Variants in SLC33A2 observed in about 807,000 individuals in gnomAD.
The protein encoded by SLC33A2 is solute carrier family 33 member 2.
At chr8:144,510,369 G>C in the SLC33A2 span, 1 of 1,612,264 alleles carries the variant, frequency 6.2e-7, no homozygotes, top group South Asian at 1.1e-5. Flanking sequence ...GGTGAGCAGG[G>C]TGCCAGCAGC....
At chr8:144,510,712 A>C in the SLC33A2 span, 160 of 1,580,704 alleles carry the variant, frequency 1.0e-4, no homozygotes, top group African/African-American at 2.0e-3. Flanking sequence ...ACGCTGGCAC[A>C]ATCTTGAGAG....
the SLC33A2 span, chr8:144,510,092 AC>A: frequency 6.7e-7 from 1 of 1,489,818 alleles, no homozygotes; most frequent in Non-Finnish European, 9.0e-7. Flanking sequence ...GGGGCTTGCA[AC>A]CCATTACAGG....
At chr8:144,510,425 T>G in the SLC33A2 span, 3 of 1,612,824 alleles carry the variant, frequency 1.9e-6, no homozygotes, top group Non-Finnish European at 2.5e-6. Flanking sequence ...TGCTCCCGAG[T>G]TGGGACTGTG....
chr8:144,510,583 C>A, the SLC33A2 span: 1 of 1,590,550 alleles, frequency 6.3e-7, no homozygotes, highest in Admixed American at 1.7e-5. Flanking sequence ...GACCCATTTC[C>A]CACCCCCATC....
the SLC33A2 span, chr8:144,510,777 G>A: frequency 6.2e-7 from 1 of 1,610,952 alleles, no homozygotes; most frequent in South Asian, 1.1e-5. Flanking sequence ...GGGCACTGCT[G>A]ACTTCTGCCC....
the SLC33A2 span, chr8:144,510,531 GCCCA>G: frequency 6.2e-7 from 1 of 1,611,920 alleles, no homozygotes; most frequent in Non-Finnish European, 8.5e-7. Flanking sequence ...AGTGTACCCT[GCCCA>G]CCCACTTGTA....
the SLC33A2 span, chr8:144,511,080 G>A: frequency 2.5e-6 from 4 of 1,608,728 alleles, no homozygotes; most frequent in Non-Finnish European, 3.4e-6. Flanking sequence ...ATGGGTTGGG[G>A]CCACATCCCT....
chr8:144,510,840 G>T, the SLC33A2 span: 1 of 1,610,770 alleles, frequency 6.2e-7, no homozygotes. Context: ...TGGGAGGCCT[G>T]GTCACCACAG....
the SLC33A2 span, chr8:144,509,978 C>T: frequency 6.3e-7 from 1 of 1,596,204 alleles, no homozygotes; most frequent in Non-Finnish European, 8.5e-7. Flanking sequence ...TGCCGGGGAC[C>T]GTGTGGACGG....
chr8:144,510,106 C>T, the SLC33A2 span: 2 of 1,432,600 alleles, frequency 1.4e-6, no homozygotes. Context: ...ATTACAGGGC[C>T]ACGCTCTTTC....
chr8:144,510,430 A>G, the SLC33A2 span: 1 of 1,612,608 alleles, frequency 6.2e-7, no homozygotes, highest in Admixed American at 1.7e-5. Flanking sequence ...CCGAGTTGGG[A>G]CTGTGGAATG....
the SLC33A2 span, chr8:144,510,699 T>C: frequency 2.7e-3 from 4,259 of 1,572,266 alleles, 8 homozygotes; most frequent in African/African-American, 6.9e-3. Context: ...GGGGCCAGCA[T>C]GGACGCTGGC....
chr8:144,509,220 C>T, the SLC33A2 span: 1 of 1,140,886 alleles, frequency 8.8e-7, no homozygotes, highest in Non-Finnish European at 1.2e-6. Flanking sequence ...CTGCCCGGTC[C>T]CAGAACCAAA....
At chr8:144,510,120 G>A in the SLC33A2 span, 1 of 1,386,754 alleles carries the variant, frequency 7.2e-7, no homozygotes, top group Non-Finnish European at 9.7e-7. Flanking sequence ...CTCTTTCTGG[G>A]GTATGACCTG....
At chr8:144,510,923 A>G in the SLC33A2 span, 1 of 1,601,854 alleles carries the variant, frequency 6.2e-7, no homozygotes, top group Non-Finnish European at 8.5e-7. Context: ...TGTAGCAGGG[A>G]CACAAGAGAG....
At chr8:144,511,117 G>A in the SLC33A2 span, 1 of 1,610,528 alleles carries the variant, frequency 6.2e-7, no homozygotes, top group Non-Finnish European at 8.5e-7. Context: ...CATCCTCTCT[G>A]CCTTTCCCGT....
At chr8:144,511,074 G>T in the SLC33A2 span, 1 of 1,608,390 alleles carries the variant, frequency 6.2e-7, no homozygotes, top group African/African-American at 1.3e-5. Context: ...TGGCTGATGG[G>T]TTGGGGCCAC....
At chr8:144,510,906 G>T in the SLC33A2 span, 7 of 1,604,196 alleles carry the variant, frequency 4.4e-6, 1 homozygote, top group Middle Eastern at 6.6e-4. Context: ...CCCTGCAGGT[G>T]AGTAGATGTA....
At chr8:144,509,338 G>A in the SLC33A2 span, 13 of 1,463,756 alleles carry the variant, frequency 8.9e-6, no homozygotes, top group Non-Finnish European at 1.1e-5. Flanking sequence ...GCCGCCATGC[G>A]CGGGAAGTTG....
Sources: gnomAD v4.1 joint callset for allele counts on GRCh38, gnomAD v4.1.1 for gene constraint, MANE v1.5 for transcripts, NCBI Gene and HGNC (gene_info 2026-07-23, HGNC 2026-07-21) for gene names.